The following LINGO2 variants were observed in gnomAD, a reference collection of about 807,000 sequenced individuals.
LINGO2 encodes leucine rich repeat and Ig domain containing 2, also known as leucine-rich repeat and immunoglobulin-like domain-containing nogo receptor-interacting protein 2.
In LINGO2, 14 loss-of-function variants were observed where a neutral mutation model predicts 30.6. The ratio of observed to expected loss-of-function variants is 0.46; its 90% CI spans 0.30 to 0.72. The LOEUF (loss-of-function observed/expected upper bound fraction) is 0.72, where lower values mean the gene tolerates loss of function less well. Among genes scored for constraint, LINGO2 ranks in the 30% least tolerant of loss-of-function variants. The pLI, the probability that LINGO2 is intolerant of heterozygous loss-of-function variation, is 0.07. For synonymous variants in LINGO2, 317 were observed against 288.5 expected (o/e 1.10, Z -1.00); for missense variants, 729 against 751.7 (o/e 0.97, Z 0.35).
chr9:28,385,638 C>T (rs79079364), intron 2 of LINGO2, among the ~76,000 whole-genome samples: 5,374 of 152,156 alleles, frequency 0.035, 119 homozygotes, highest in Middle Eastern at 0.048. Flanking sequence ...ATATTCAAAA[C>T]ATAAACTTGC....
At chr9:28,111,927 A>G (rs1826806662) in intron 4 of LINGO2, among the ~76,000 whole-genome samples, 1 of 150,734 alleles carries the variant, frequency 6.6e-6, no homozygotes, top group Non-Finnish European at 1.5e-5. Context: ...TTTTTATTAT[A>G]CTCTAAGTTT....
At chr9:29,088,496 T>A in the LINGO2 span, among the ~76,000 whole-genome samples, 1 of 152,166 alleles carries the variant, frequency 6.6e-6, no homozygotes, top group African/African-American at 2.4e-5. Context: ...GCCTCTTAAG[T>A]GTCACACAAA....
chr9:28,982,673 C>T, the LINGO2 span, among the ~76,000 whole-genome samples: 2 of 151,786 alleles, frequency 1.3e-5, no homozygotes, highest in East Asian at 1.9e-4. Flanking sequence ...TGAATCATTA[C>T]CTTATTATAC....
At chr9:28,058,751 C>T (rs1345517754) in intron 4 of LINGO2, among the ~76,000 whole-genome samples, 1 of 151,916 alleles carries the variant, frequency 6.6e-6, no homozygotes, top group African/African-American at 2.4e-5. Context: ...AAAAATATTG[C>T]ACTATGGACT....
chr9:28,049,695 C>T (rs1391800464), intron 4 of LINGO2, among the ~76,000 whole-genome samples: 3 of 150,508 alleles, frequency 2.0e-5, no homozygotes, highest in Non-Finnish European at 2.9e-5. Flanking sequence ...GTAAAGGAGG[C>T]ATTATAATGC....
At chr9:28,290,338 C>T (rs12238712) in intron 4 of LINGO2, among the ~76,000 whole-genome samples, 3,706 of 152,240 alleles carry the variant, frequency 0.024, 177 homozygotes, top group East Asian at 0.2. Context: ...CCTACCCATA[C>T]CAACTTACGC....
chr9:28,027,495 G>A (rs1823440480), intron 4 of LINGO2, among the ~76,000 whole-genome samples: 1 of 152,104 alleles, frequency 6.6e-6, no homozygotes, highest in Admixed American at 6.6e-5. Context: ...TTTGTAGGGA[G>A]CTACGGCAAA....
At chr9:28,334,767 A>T (rs1356491009) in intron 3 of LINGO2, among the ~76,000 whole-genome samples, 3 of 152,122 alleles carry the variant, frequency 2.0e-5, no homozygotes, top group Non-Finnish European at 4.4e-5. Flanking sequence ...GTATTGGAGC[A>T]CCACAGTCAT....
At chr9:28,136,168 C>T (rs1179804951) in intron 4 of LINGO2, among the ~76,000 whole-genome samples, 1 of 152,164 alleles carries the variant, frequency 6.6e-6, no homozygotes, top group Non-Finnish European at 1.5e-5. Context: ...CTTATAATCA[C>T]ATAATTAATT....
chr9:28,787,094 T>G, the LINGO2 span, among the ~76,000 whole-genome samples: 1 of 152,286 alleles, frequency 6.6e-6, no homozygotes, highest in East Asian at 1.9e-4. Context: ...GGTAGTGATG[T>G]TGCTTAGAAT....
intron 5 of LINGO2, among the ~76,000 whole-genome samples, chr9:27,985,805 G>A (rs1423593310): frequency 8.0e-6 from 1 of 125,040 alleles, no homozygotes; most frequent in African/African-American, 3.1e-5. Flanking sequence ...GCAGAAGAAA[G>A]GTGAATGAAG....
chr9:28,950,286 T>C, the LINGO2 span, among the ~76,000 whole-genome samples: 7 of 152,098 alleles, frequency 4.6e-5, no homozygotes, highest in South Asian at 4.1e-4. Flanking sequence ...ACAGCCAATA[T>C]CATATGGAAT....
intron 4 of LINGO2, among the ~76,000 whole-genome samples, chr9:28,022,386 C>T (rs1180827957): frequency 2.0e-5 from 3 of 151,784 alleles, no homozygotes; most frequent in African/African-American, 7.3e-5. Context: ...AAATTTTATC[C>T]TTCCTTATTC....
the LINGO2 span, among the ~76,000 whole-genome samples, chr9:29,048,200 A>G: frequency 7.9e-5 from 12 of 151,984 alleles, no homozygotes; most frequent in Non-Finnish European, 1.8e-4. Context: ...AGAAATTTTA[A>G]AAGTAATTCC....
At chr9:28,085,469 C>A (rs966499702) in intron 4 of LINGO2, among the ~76,000 whole-genome samples, 1 of 151,998 alleles carries the variant, frequency 6.6e-6, no homozygotes, top group Admixed American at 6.6e-5. Context: ...CTGGCTTTAA[C>A]GTGAGAAAGC....
In LINGO2 at chr9:28,142,769, T is replaced by C. The variant is rs144246377; in HGVS notation, c.-86-130364A>G. Among the ~76,000 whole-genome samples the C allele has an allele frequency of 7.2e-3, 1,101 of 152,312 alleles. 23 individuals carry two copies. Among genetic ancestry groups the C allele is most frequent in the African/African-American group, 0.025 (1,029 of 41,590 alleles). On this transcript the variant is annotated intron_variant, in intron 4 of 5. Transcript: ENST00000379992. ...GTAGGTTAAGGATGCTAGCCCTTTA[T>C]GTCCCATTAATTTCATTGATCTGGC...
chr9:28,503,067 A>C (rs951848965), intron 1 of LINGO2, among the ~76,000 whole-genome samples: 8 of 152,094 alleles, frequency 5.3e-5, no homozygotes, highest in African/African-American at 1.9e-4. Flanking sequence ...TAATGAAAAA[A>C]TAAATTTGCA....
chr9:28,155,527 A>G (rs1397091753), intron 4 of LINGO2, among the ~76,000 whole-genome samples: 1 of 152,216 alleles, frequency 6.6e-6, no homozygotes, highest in Non-Finnish European at 1.5e-5. Flanking sequence ...TGAACATAAG[A>G]TATGCCCAAG....
At chr9:28,485,055 T>C (rs1380272316) in intron 1 of LINGO2, among the ~76,000 whole-genome samples, 1 of 152,142 alleles carries the variant, frequency 6.6e-6, no homozygotes, top group Non-Finnish European at 1.5e-5. Flanking sequence ...AGTGAAAGCG[T>C]TGACTAAATC....
Sources: allele counts gnomAD v4.1 joint callset (sites outside exome capture counted in the v4.1 genomes callset), GRCh38; gene constraint gnomAD v4.1.1; transcripts MANE v1.5; gene names NCBI Gene and HGNC (gene_info 2026-07-23, HGNC 2026-07-21).